The following YWHAZ variants were observed in gnomAD, a reference collection of about 807,000 sequenced individuals.
YWHAZ encodes tyrosine 3-monooxygenase/tryptophan 5-monooxygenase activation protein zeta.
For missense variants in YWHAZ, 79 were observed against 284.8 expected (o/e 0.28, Z 5.20); for synonymous variants, 87 against 103.6 (o/e 0.84, Z 0.97).
In YWHAZ at chr8:100,916,701, G is replaced by T. The variant is rs551455513; in HGVS notation, c.*3992C>A. ...CACATCTCTGGTATCACCTAGGATT[G>T]GCTAACATTATGCTTAAATATATTA... On this transcript the variant is annotated 3_prime_UTR_variant, in exon 6 of 6. Coordinates refer to ENST00000395958, the MANE Select transcript of YWHAZ (RefSeq NM_145690.3). 1 of 152,300 alleles carries T rather than the reference G, an allele frequency of 6.6e-6. No homozygotes were observed. Among genetic ancestry groups the T allele is most frequent in the African/African-American group, 2.4e-5 (1 of 41,554 alleles). The allele number at this position is 152,300 out of a possible 1,614,324, so 9.4% of individuals were successfully genotyped here. A position where few individuals can be genotyped will look rare whatever the true frequency, so the allele number is the denominator to read the frequency against.
chr8:100,951,477 C>T (rs1810774826), intron 1 of YWHAZ: 6 of 981,848 alleles, frequency 6.1e-6, no homozygotes, highest in Admixed American at 6.2e-5. Context: ...CGATGCCCGC[C>T]GCCGCCGCCG....
chr8:100,946,422 C>T (rs116992085), intron 2 of YWHAZ, among the ~76,000 whole-genome samples: 3,467 of 152,178 alleles, frequency 0.023, 58 homozygotes, highest in Non-Finnish European at 0.036. Context: ...TGCTGGTGCA[C>T]GCCCAGTAAT....
intron 2 of YWHAZ, among the ~76,000 whole-genome samples, chr8:100,945,652 A>G (rs925875440): frequency 6.6e-5 from 10 of 152,200 alleles, no homozygotes; most frequent in Non-Finnish European, 1.3e-4. Context: ...TCTAGTAGAA[A>G]TATCAGTTCT....
At position 100,948,069 on chromosome 8, in the gene YWHAZ, A is replaced by T; in HGVS notation, c.294+527T>A. 1.3e-6 allele frequency: 2 copies of T among 1,531,680 alleles called. No individual in the cohort carries two copies. The highest frequency in any genetic ancestry group is 1.7e-6 in the Non-Finnish European group (2 of 1,145,124). The allele number at this position is 1,531,680 out of a possible 1,614,324, so 94.9% of individuals were successfully genotyped here. ...CTTTCATCATGGTTGTGAGTGTTCA[A>T]AATTTACCTTCAAGAATTCAATGCA... is the stretch of plus-strand genomic sequence containing the variant. On this transcript the variant is annotated intron_variant, in intron 2 of 5. Coordinates refer to ENST00000395958, the MANE Select transcript of YWHAZ (RefSeq NM_145690.3). This position sits in a 1 kb window ranked among gnomAD's most constrained non-coding sequence, Gnocchi z 4.2.
chr8:100,933,706 C>T (rs1258767827), intron 2 of YWHAZ, among the ~76,000 whole-genome samples: 1 of 152,122 alleles, frequency 6.6e-6, no homozygotes, highest in Non-Finnish European at 1.5e-5. Flanking sequence ...ATCCTAATTT[C>T]TGTCAATAAA....
At chr8:100,927,440 T>C (rs1003122479) in intron 2 of YWHAZ, among the ~76,000 whole-genome samples, 1 of 152,092 alleles carries the variant, frequency 6.6e-6, no homozygotes, top group Non-Finnish European at 1.5e-5. Flanking sequence ...AGGAGGATCA[T>C]CTGAGTCCAG....
intron 2 of YWHAZ, among the ~76,000 whole-genome samples, chr8:100,933,149 AG>A (rs1813877434): frequency 6.6e-6 from 1 of 152,172 alleles, no homozygotes; most frequent in Non-Finnish European, 1.5e-5. Context: ...TCATGAGGTC[AG>A]GAGCTCAAGA....
At chr8:100,941,565 A>G (rs969560163) in intron 2 of YWHAZ, among the ~76,000 whole-genome samples, 8 of 152,164 alleles carry the variant, frequency 5.3e-5, no homozygotes, top group Non-Finnish European at 1.0e-4. Flanking sequence ...TGGGTGGATC[A>G]CCTGAGGTCA....
At chr8:100,951,628 T>C (rs753608705) in intron 1 of YWHAZ, 1 of 983,170 alleles carries the variant, frequency 1.0e-6, no homozygotes, top group Non-Finnish European at 1.2e-6. Context: ...GACAGGGAGA[T>C]CCCCAGGGAT....
chr8:100,942,481 G>C (rs990960701), intron 2 of YWHAZ, among the ~76,000 whole-genome samples: 2 of 152,146 alleles, frequency 1.3e-5, no homozygotes, highest in South Asian at 4.1e-4. Context: ...TGATACGACC[G>C]TTCTTCCCAC....
chr8:100,943,998 G>GAAAAAAGA (rs1810079229), intron 2 of YWHAZ, among the ~76,000 whole-genome samples: 1 of 131,988 alleles, frequency 7.6e-6, no homozygotes, highest in African/African-American at 2.9e-5. Flanking sequence ...AAAAAAAAAA[G>GAAAAAAGA]AAAAAAGAAA....
upstream of YWHAZ, chr8:100,952,491 C>T (rs75132639): frequency 2.8e-3 from 435 of 154,848 alleles, 1 homozygote; most frequent in African/African-American, 9.1e-3. Context: ...TCGCTCAGCC[C>T]GTCTGCGCTT....
chr8:100,918,443 T>TATATATATATATAAAAA lies in YWHAZ; in HGVS notation c.*2249_*2250insTTTTTATATATATATAT, dbSNP rs1417316114. On this transcript the variant is annotated 3_prime_UTR_variant, in exon 6 of 6. Transcript: ENST00000395958. Reference sequence around the variant, plus strand: ...ATATATATATATATATATATATATATAATTATTTTACCTCCTTGGCTTGGG... The same window carrying TATATATATATATAAAAA: ...ATATATATATATATATATATATATATATATATATATATAAAAAAATTATTTTACCTCCTTGGCTTGGG... The TATATATATATATAAAAA allele has an allele frequency of 5.1e-5, 6 of 117,070 alleles. No homozygotes were observed. Among genetic ancestry groups the TATATATATATATAAAAA allele is most frequent in the African/African-American group, 2.0e-4 (6 of 29,616 alleles). 7.3% of individuals were successfully genotyped at this position (117,070 alleles called of 1,614,324 possible). A position where few individuals can be genotyped will look rare whatever the true frequency, so the allele number is the denominator to read the frequency against.
chr8:100,951,565 G>A (rs1014243999), intron 1 of YWHAZ: 7 of 985,412 alleles, frequency 7.1e-6, no homozygotes, highest in Non-Finnish European at 8.4e-6. Flanking sequence ...GGGTGGGGAT[G>A]GATCGCGGCC....
In YWHAZ at chr8:100,918,444, A is replaced by ATATATATATATATATATATATATATAT. The variant is rs57486163; in HGVS notation, c.*2248_*2249insATATATATATATATATATATATATATA. 7.4e-5 allele frequency: 8 copies of ATATATATATATATATATATATATATAT among 108,814 alleles called. No individual in the cohort carries two copies. The highest frequency in any genetic ancestry group is 3.3e-4 in the East Asian group (1 of 3,008). 6.7% of individuals were successfully genotyped at this position (108,814 alleles called of 1,614,324 possible). ...TATATATATATATATATATATATAT[A>ATATATATATATATATATATATATATAT]ATTATTTTACCTCCTTGGCTTGGGG... On this transcript the variant is annotated 3_prime_UTR_variant, in exon 6 of 6. Transcript: ENST00000395958.
intron 2 of YWHAZ, among the ~76,000 whole-genome samples, chr8:100,928,746 A>G (rs549779924): frequency 6.6e-6 from 1 of 152,290 alleles, no homozygotes; most frequent in Non-Finnish European, 1.5e-5. Flanking sequence ...AAAGAAAAAA[A>G]AAAAAAGGAA....
rs752591156 is a variant in YWHAZ, at chr8:100,924,329, TAA to T, written c.419-33_419-32del. Reference sequence around the variant, plus strand: ...TAAGACACACCAAAACGTACTGAGATAAAGTGTGCATTATATCTTCACCCCTC... The same window carrying T: ...TAAGACACACCAAAACGTACTGAGATAGTGTGCATTATATCTTCACCCCTC... On this transcript the variant is annotated intron_variant, in intron 3 of 5. Coordinates refer to ENST00000395958, the MANE Select transcript of YWHAZ (RefSeq NM_145690.3). This position sits in a 1 kb window ranked among gnomAD's most constrained non-coding sequence, Gnocchi z 5.7. 2 of 1,597,360 alleles carry T rather than the reference TAA, an allele frequency of 1.3e-6. No homozygotes were observed. Among genetic ancestry groups the T allele is most frequent in the Admixed American group, 1.7e-5 (1 of 57,476 alleles).
At chr8:100,940,568 A>G (rs1195687731) in intron 2 of YWHAZ, among the ~76,000 whole-genome samples, 1 of 152,248 alleles carries the variant, frequency 6.6e-6, no homozygotes, top group Non-Finnish European at 1.5e-5. Context: ...AATATTAAAT[A>G]AAAAATTTCA....
intron 1 of YWHAZ, chr8:100,951,429 G>A (rs904013669): frequency 5.1e-6 from 5 of 981,434 alleles, no homozygotes; most frequent in South Asian, 9.4e-5. Flanking sequence ...GGGGGCGGCC[G>A]AGGGAGAGGG....
Sources: gnomAD v4.1 joint callset for allele counts (sites outside exome capture counted in the v4.1 genomes callset) on GRCh38, gnomAD v4.1.1 for gene constraint, Gnocchi (gnomAD v3.1) non-coding constraint, MANE v1.5 for transcripts, NCBI Gene and HGNC (gene_info 2026-07-23, HGNC 2026-07-21) for gene names.